PDE6C: variants seen among roughly 807,000 people sequenced by gnomAD.
PDE6C encodes phosphodiesterase 6C, also known as cone cGMP-specific 3',5'-cyclic phosphodiesterase subunit alpha'.
In PDE6C, 75 loss-of-function variants were observed where a neutral mutation model predicts 113.1. That is an observed-to-expected ratio of 0.66 (90% CI 0.55 to 0.80). PDE6C has a LOEUF of 0.80. Among genes scored for constraint, PDE6C ranks in the 30% least tolerant of loss-of-function variants. The pLI, the probability that PDE6C is intolerant of heterozygous loss-of-function variation, is 0.00. For synonymous variants in PDE6C, 375 were observed against 363.7 expected (o/e 1.03, Z -0.35); for missense variants, 912 against 1,038.6 (o/e 0.88, Z 1.67).
Position 93,634,916 on chromosome 10 carries a change from A to C in PDE6C, c.1269+9A>C, listed in dbSNP as rs2058520637. 6.2e-7 allele frequency: 1 copy of C among 1,613,834 alleles called. No individual in the cohort carries two copies. The highest frequency in any genetic ancestry group is 2.2e-5 in the East Asian group (1 of 44,848). The stretch of plus-strand genomic sequence containing the variant: ...ATGAATACATTACCGAGGCAAGTGC[A>C]ATAATAAGATAATGGAAGTCAATGC... On this transcript the variant is annotated intron_variant, in intron 9 of 21. Coordinates refer to ENST00000371447, the MANE Select transcript of PDE6C (RefSeq NM_006204.4).
intron 15 of PDE6C, among the ~76,000 whole-genome samples, chr10:93,650,738 A>G (rs2058606066): frequency 1.3e-5 from 2 of 152,336 alleles, no homozygotes; most frequent in African/African-American, 2.4e-5. Context: ...ACAAATGACT[A>G]TGAAAAATTA....
intron 15 of PDE6C, among the ~76,000 whole-genome samples, chr10:93,653,455 T>C (rs1260397397): frequency 1.3e-5 from 2 of 152,006 alleles, no homozygotes; most frequent in African/African-American, 4.8e-5. Flanking sequence ...CTAGCCTGGC[T>C]AACATGGTGA....
Position 93,620,799 on chromosome 10 carries a change from GGGCATCT to G in PDE6C, c.633+18_633+24del. The G allele has an allele frequency of 6.2e-7, 1 of 1,614,030 alleles. No individual in the cohort carries two copies. Among genetic ancestry groups the G allele is most frequent in the East Asian group, 2.2e-5 (1 of 44,884 alleles). On this transcript the variant is annotated intron_variant, in intron 2 of 21. Coordinates refer to ENST00000371447, the MANE Select transcript of PDE6C (RefSeq NM_006204.4). ...AGGATGAAGAGGTAATGCTAACCCT[GGGCATCT>G]GGTTGGAGGCTCAGGAAATTTATTT...
chr10:93,649,475 C>G (rs1450372881), intron 15 of PDE6C, among the ~76,000 whole-genome samples: 1 of 152,182 alleles, frequency 6.6e-6, no homozygotes, highest in Non-Finnish European at 1.5e-5. Flanking sequence ...ATTGCAGTCA[C>G]CCTGTGGATA....
At chr10:93,649,122 G>T (rs12266365) in intron 15 of PDE6C, among the ~76,000 whole-genome samples, 70,397 of 151,940 alleles carry the variant, frequency 0.46, 17,263 homozygotes, top group Non-Finnish European at 0.54. Flanking sequence ...AGAATTCATA[G>T]TTCTATCGCC....
At position 93,639,920 on chromosome 10, in the gene PDE6C, G is replaced by A. The variant is rs2058550793; in HGVS notation, c.1483-150G>A. 4 of 795,044 alleles carry A rather than the reference G, an allele frequency of 5.0e-6. No individual in the cohort carries two copies. In the African/African-American group the frequency reaches 5.1e-5, roughly 10 times the overall value. The allele number at this position is 795,044 out of a possible 1,614,324, so 49.2% of individuals were successfully genotyped here. The stretch of plus-strand genomic sequence containing the variant: ...GCCGTTAGCATAATCTGTGCAAACT[G>A]CATCATCCAGTGCCTGGCACATGGT... On this transcript the variant is annotated intron_variant, in intron 11 of 21. Transcript: ENST00000371447.
intron 8 of PDE6C, among the ~76,000 whole-genome samples, chr10:93,630,715 C>T (rs1269572427): frequency 1.3e-5 from 2 of 152,280 alleles, no homozygotes; most frequent in Admixed American, 6.5e-5. Context: ...AAAAGCCAGC[C>T]TTCCCCAGGC....
chr10:93,631,817 C>A (rs2058503133), intron 8 of PDE6C, among the ~76,000 whole-genome samples: 1 of 152,240 alleles, frequency 6.6e-6, no homozygotes, highest in East Asian at 1.9e-4. Flanking sequence ...AGCAAACCTG[C>A]AAAGGCAGTG....
chr10:93,626,125 G>C (rs1258082805), intron 5 of PDE6C, among the ~76,000 whole-genome samples: 3 of 152,194 alleles, frequency 2.0e-5, no homozygotes, highest in African/African-American at 7.2e-5. Flanking sequence ...CCATGAAACA[G>C]AGAGAATAAT....
chr10:93,651,631 G>A (rs549950916), intron 15 of PDE6C, among the ~76,000 whole-genome samples: 37 of 152,286 alleles, frequency 2.4e-4, no homozygotes, highest in African/African-American at 7.9e-4. Context: ...TGGGGACACA[G>A]AGCCATATCA....
intron 16 of PDE6C, among the ~76,000 whole-genome samples, chr10:93,658,265 AGCAAAT>A (rs987369548): frequency 5.9e-5 from 9 of 151,942 alleles, no homozygotes; most frequent in African/African-American, 1.7e-4. Context: ...TCTTGAACTC[AGCAAAT>A]TGAAATTTTA....
intron 10 of PDE6C, among the ~76,000 whole-genome samples, chr10:93,636,244 A>G (rs2058528649): frequency 1.3e-5 from 2 of 152,232 alleles, no homozygotes; most frequent in African/African-American, 4.8e-5. Flanking sequence ...AAGCCACATC[A>G]CGAAGACCAA....
intron 14 of PDE6C, among the ~76,000 whole-genome samples, chr10:93,644,687 A>G (rs867605458): frequency 1.4e-4 from 21 of 150,602 alleles, no homozygotes; most frequent in African/African-American, 4.9e-4. Flanking sequence ...CCATTAATCA[A>G]CCTGTCTTCA....
chr10:93,646,307 G>A (rs2134617782), intron 15 of PDE6C, among the ~76,000 whole-genome samples: 1 of 151,912 alleles, frequency 6.6e-6, no homozygotes, highest in Non-Finnish European at 1.5e-5. Context: ...AGCTTATGGT[G>A]GATGCAAAAG....
chr10:93,626,943 A>G, intron 7 of PDE6C, 72 bp downstream of exon 7: 8 of 1,345,396 alleles, frequency 5.9e-6, no homozygotes, highest in South Asian at 2.4e-5. Context: ...GATAGATACA[A>G]TTGTGAAAGC....
chr10:93,660,198 C>T (rs370988471), intron 18 of PDE6C, among the ~76,000 whole-genome samples: 4 of 152,184 alleles, frequency 2.6e-5, no homozygotes, highest in South Asian at 4.2e-4. Flanking sequence ...ATGACTGAGG[C>T]CCCTATAACA....
At chr10:93,647,092 C>T (rs2058588243) in intron 15 of PDE6C, among the ~76,000 whole-genome samples, 1 of 152,146 alleles carries the variant, frequency 6.6e-6, no homozygotes, top group South Asian at 2.1e-4. Flanking sequence ...TTCTTCTTCC[C>T]TTGATCAATT....
chr10:93,641,537 G>A (rs1401917604), intron 14 of PDE6C, among the ~76,000 whole-genome samples: 1 of 152,118 alleles, frequency 6.6e-6, no homozygotes, highest in East Asian at 1.9e-4. Flanking sequence ...AGGTAGACGT[G>A]TGCCTCTGAG....
At chr10:93,646,966 G>A (rs2058587426) in intron 15 of PDE6C, among the ~76,000 whole-genome samples, 1 of 152,220 alleles carries the variant, frequency 6.6e-6, no homozygotes, top group African/African-American at 2.4e-5. Context: ...AGTGGCAGCG[G>A]AAAGGGGCAA....
Sources: allele counts gnomAD v4.1 joint callset (sites outside exome capture counted in the v4.1 genomes callset), GRCh38; gene constraint gnomAD v4.1.1; transcripts MANE v1.5; gene names NCBI Gene and HGNC (gene_info 2026-07-23, HGNC 2026-07-21).